CTH: variants seen among roughly 807,000 people sequenced by gnomAD.
The protein encoded by CTH is cystathionase (cystathionine gamma-lyase).
Under a neutral mutation model 50.6 loss-of-function variants are expected in CTH, and 41 were observed. That is an observed-to-expected ratio of 0.81 (90% CI 0.63 to 1.05). CTH has a LOEUF of 1.05. Among genes scored for constraint, CTH ranks in the 50% least tolerant of loss-of-function variants. CTH has a pLI of 0.00. For synonymous variants in CTH, 156 were observed against 168.9 expected (o/e 0.92, Z 0.59); for missense variants, 470 against 492.6 (o/e 0.95, Z 0.43).
At chr1:70,421,721 T>G in intron 4 of CTH, 46 bp downstream of exon 4, 1 of 1,575,324 alleles carries the variant, frequency 6.3e-7, no homozygotes, top group Non-Finnish European at 8.7e-7. Flanking sequence ...CTTCGATGTT[T>G]TGTTTTCATC....
At chr1:70,435,099 C>A in intron 9 of CTH, 26 bp from the exon 10 acceptor site, 2 of 1,600,810 alleles carry the variant, frequency 1.2e-6, no homozygotes, top group Non-Finnish European at 1.7e-6. Context: ...ACTAGAAAAT[C>A]TAAATTCATG....
intron 5 of CTH, among the ~76,000 whole-genome samples, chr1:70,424,911 AG>A (rs1684314151): frequency 6.6e-6 from 1 of 151,960 alleles, no homozygotes; most frequent in Non-Finnish European, 1.5e-5. Flanking sequence ...CCTGGGTGAC[AG>A]GGTGAGACTC....
At chr1:70,414,329 T>C (rs1684041637) in intron 1 of CTH, among the ~76,000 whole-genome samples, 1 of 151,694 alleles carries the variant, frequency 6.6e-6, no homozygotes, top group Non-Finnish European at 1.5e-5. Context: ...CTCCCCAACG[T>C]AGTGAAACCC....
At chr1:70,422,364 A>G (rs890322194) in intron 4 of CTH, among the ~76,000 whole-genome samples, 2 of 152,222 alleles carry the variant, frequency 1.3e-5, no homozygotes, top group African/African-American at 4.8e-5. Flanking sequence ...TTCTGTGTGG[A>G]TAAAAGAAGG....
At chr1:70,436,465 T>C (rs1684601020) in intron 10 of CTH, among the ~76,000 whole-genome samples, 1 of 152,206 alleles carries the variant, frequency 6.6e-6, no homozygotes, top group Non-Finnish European at 1.5e-5. Context: ...CAGGGTTAAG[T>C]CAACATCATA....
intron 3 of CTH, among the ~76,000 whole-genome samples, chr1:70,420,714 T>G (rs997243801): frequency 6.6e-6 from 1 of 152,194 alleles, no homozygotes; most frequent in Non-Finnish European, 1.5e-5. Flanking sequence ...TATTTTATCT[T>G]AGTTTCTTAT....
intron 10 of CTH, among the ~76,000 whole-genome samples, chr1:70,437,411 T>TA (rs935009395): frequency 7.9e-5 from 12 of 152,106 alleles, no homozygotes; most frequent in Non-Finnish European, 1.5e-4. Context: ...TTTTATTCAT[T>TA]AAAAAAATGA....
intron 5 of CTH, among the ~76,000 whole-genome samples, chr1:70,429,528 G>A (rs1684418784): frequency 6.6e-6 from 1 of 152,176 alleles, no homozygotes; most frequent in Admixed American, 6.5e-5. Flanking sequence ...AGGTTCAAGA[G>A]ACCAGTTGAC....
At chr1:70,413,437 A>AT (rs905548071) in intron 1 of CTH, among the ~76,000 whole-genome samples, 19 of 150,118 alleles carry the variant, frequency 1.3e-4, no homozygotes, top group East Asian at 3.9e-4. Context: ...CTCATTTTTT[A>AT]TTTTTTTTAG....
intron 10 of CTH, among the ~76,000 whole-genome samples, chr1:70,435,457 G>GAAT (rs1684577933): frequency 6.6e-6 from 1 of 151,920 alleles, no homozygotes; most frequent in Non-Finnish European, 1.5e-5. Flanking sequence ...TCTGATCTCT[G>GAAT]ACCTCTAAGC....
intron 1 of CTH, 89 bp downstream of exon 1, chr1:70,411,672 T>A (rs936575182): frequency 1.2e-5 from 18 of 1,526,424 alleles, no homozygotes; most frequent in Non-Finnish European, 1.6e-5. Context: ...TAATTTATAA[T>A]ATGACTTATA....
At chr1:70,414,022 G>A (rs1335186192) in intron 1 of CTH, among the ~76,000 whole-genome samples, 2 of 151,680 alleles carry the variant, frequency 1.3e-5, no homozygotes, top group Non-Finnish European at 2.9e-5. Flanking sequence ...ATGAGCCACC[G>A]CGCCCGGCCC....
chr1:70,419,290 G>A (rs538881075), intron 3 of CTH, among the ~76,000 whole-genome samples: 109 of 152,168 alleles, frequency 7.2e-4, no homozygotes, highest in African/African-American at 2.4e-3. Context: ...ACATACATGT[G>A]CATGTGTCTT....
At position 70,430,372 on chromosome 1, in the gene CTH, T is replaced by C. The variant is rs566759432; in HGVS notation, c.702T>C (p.Asn234=). 5 of 1,588,350 alleles carry C rather than the reference T, an allele frequency of 3.1e-6. No homozygotes were observed. The highest frequency in any genetic ancestry group is 1.7e-5 in the Admixed American group (1 of 59,998). Reference sequence around the variant, plus strand: ...CTGTTAATTGTGAAAGCCTTCATAATAGACTTCGTTTCTTGCAAAACTGTA... The same window carrying C: ...CTGTTAATTGTGAAAGCCTTCATAACAGACTTCGTTTCTTGCAAAACTGTA... ...LVSVNCESLH[N]RLRFLQNSLG... Residue 234 remains asparagine (N), a synonymous_variant, in exon 7 of 12, where the codon AAT becomes AAC. Transcript: ENST00000370938.
At chr1:70,426,135 C>CT (rs988497999) in intron 5 of CTH, among the ~76,000 whole-genome samples, 47 of 152,246 alleles carry the variant, frequency 3.1e-4, no homozygotes, top group African/African-American at 9.9e-4. Context: ...CCTTTTTTCT[C>CT]TGTCTTGTGT....
At chr1:70,425,911 C>T (rs990976315) in intron 5 of CTH, among the ~76,000 whole-genome samples, 12 of 152,010 alleles carry the variant, frequency 7.9e-5, no homozygotes, top group African/African-American at 1.2e-4. Context: ...GATTTGGTGG[C>T]GACACAGATC....
chr1:70,422,273 G>T (rs1684242671), intron 4 of CTH, among the ~76,000 whole-genome samples: 1 of 152,114 alleles, frequency 6.6e-6, no homozygotes, highest in African/African-American at 2.4e-5. Flanking sequence ...TTCCATCCTG[G>T]GAAATTTGTA....
chr1:70,430,197 A>C, intron 6 of CTH, 120 bp from the exon 7 acceptor site: 1 of 693,740 alleles, frequency 1.4e-6, no homozygotes. Flanking sequence ...TATTTTATAG[A>C]GCTTTTTCCC....
chr1:70,417,871 C>T (rs1684127325), intron 2 of CTH, 66 bp from the exon 3 acceptor site: 4 of 1,565,630 alleles, frequency 2.6e-6, no homozygotes, highest in East Asian at 4.5e-5. Flanking sequence ...CAGGTAAATA[C>T]TTGGAGGTGT....
Sources: allele counts gnomAD v4.1 joint callset (sites outside exome capture counted in the v4.1 genomes callset), GRCh38; gene constraint gnomAD v4.1.1; transcripts MANE v1.5; gene names NCBI Gene and HGNC (gene_info 2026-07-23, HGNC 2026-07-21).